GPHN: variants seen among roughly 807,000 people sequenced by gnomAD.
GPHN encodes gephyrin.
GPHN carries 17 observed loss-of-function variants against 95.5 expected under a neutral mutation model. The ratio of observed to expected loss-of-function variants is 0.18; its 90% CI spans 0.12 to 0.27. The LOEUF is 0.27. Among genes scored for constraint, GPHN ranks in the 10% least tolerant of loss-of-function variants. GPHN has a pLI of 1.00. For missense variants in GPHN, 660 were observed against 978.1 expected (o/e 0.67, Z 4.34); for synonymous variants, 320 against 322.5 (o/e 0.99, Z 0.08).
intron 5 of GPHN, among the ~76,000 whole-genome samples, chr14:66,884,593 A>C (rs1217414223): frequency 6.6e-6 from 1 of 151,732 alleles, no homozygotes; most frequent in Non-Finnish European, 1.5e-5. Context: ...TTTTTAAAAG[A>C]TCAAATACTC....
At chr14:67,284,027 G>GT in the GPHN span, among the ~76,000 whole-genome samples, 50 of 152,196 alleles carry the variant, frequency 3.3e-4, no homozygotes, top group African/African-American at 1.2e-3. Context: ...CTTTGGGCAT[G>GT]TTACTCAATT....
At chr14:66,968,133 A>G (rs888416642) in intron 9 of GPHN, among the ~76,000 whole-genome samples, 11 of 152,000 alleles carry the variant, frequency 7.2e-5, no homozygotes, top group Non-Finnish European at 1.6e-4. Flanking sequence ...TTAATAAAAA[A>G]TTAAAATTTA....
At chr14:66,670,872 G>C (rs1337449863) in intron 1 of GPHN, among the ~76,000 whole-genome samples, 1 of 152,156 alleles carries the variant, frequency 6.6e-6, no homozygotes, top group Non-Finnish European at 1.5e-5. Context: ...ATTGAGAATT[G>C]TACCTAGGTA....
the GPHN span, among the ~76,000 whole-genome samples, chr14:67,429,460 A>G: frequency 2.8e-5 from 4 of 143,544 alleles, no homozygotes; most frequent in African/African-American, 5.0e-5. Context: ...CAAACTCCTG[A>G]CCTCATGATT....
intron 3 of GPHN, among the ~76,000 whole-genome samples, chr14:66,777,150 G>A (rs564911753): frequency 2.4e-4 from 36 of 150,778 alleles, no homozygotes; most frequent in Admixed American, 2.0e-3. Flanking sequence ...TATCACCACC[G>A]ATCCCGCAGA....
intron 1 of GPHN, among the ~76,000 whole-genome samples, chr14:66,545,631 G>A (rs1373544099): frequency 3.3e-5 from 4 of 122,330 alleles, no homozygotes; most frequent in Non-Finnish European, 5.0e-5. Context: ...CCTCCCTCCC[G>A]GACAGGGTGG....
chr14:67,316,405 T>G, the GPHN span, among the ~76,000 whole-genome samples: 1 of 150,870 alleles, frequency 6.6e-6, no homozygotes, highest in East Asian at 2.2e-4. Flanking sequence ...TTCTTGGAAT[T>G]GAATATGGAA....
the GPHN span, among the ~76,000 whole-genome samples, chr14:67,639,094 G>A: frequency 3.3e-5 from 5 of 152,170 alleles, no homozygotes; most frequent in Admixed American, 1.3e-4. Flanking sequence ...CTGAATTAGC[G>A]ACTGAAATCC....
At chr14:66,702,137 C>T (rs1236334981) in intron 2 of GPHN, among the ~76,000 whole-genome samples, 6 of 152,208 alleles carry the variant, frequency 3.9e-5, no homozygotes, top group Non-Finnish European at 7.3e-5. Context: ...GGACAGAACC[C>T]AGATCTCCCT....
chr14:66,902,224 T>C (rs1474538452), intron 5 of GPHN, among the ~76,000 whole-genome samples: 2 of 152,102 alleles, frequency 1.3e-5, no homozygotes, highest in African/African-American at 2.4e-5. Flanking sequence ...TGATTTTGTG[T>C]CCTGTAACTA....
the GPHN span, among the ~76,000 whole-genome samples, chr14:67,399,398 G>A: frequency 4.0e-5 from 6 of 150,700 alleles, no homozygotes; most frequent in Non-Finnish European, 8.8e-5. Flanking sequence ...GGTGGTTTAG[G>A]TGGGTCTCAG....
chr14:66,841,960 G>C (rs2062107637), intron 4 of GPHN, among the ~76,000 whole-genome samples: 1 of 152,088 alleles, frequency 6.6e-6, no homozygotes, highest in South Asian at 2.1e-4. Flanking sequence ...GGCTGAGGCA[G>C]GCGAATTGCT....
chr14:66,560,348 G>C (rs1361484477), intron 1 of GPHN, among the ~76,000 whole-genome samples: 1 of 152,092 alleles, frequency 6.6e-6, no homozygotes, highest in Admixed American at 6.5e-5. Context: ...CCATTTTCAC[G>C]ATATTGATTC....
the GPHN span, chr14:67,585,446 G>T: frequency 1.5e-6 from 1 of 673,304 alleles, no homozygotes; most frequent in East Asian, 2.7e-5. Flanking sequence ...TGTTTTCCAA[G>T]ATGAGGTGGC....
the GPHN span, among the ~76,000 whole-genome samples, chr14:67,293,793 AT>A: frequency 6.6e-6 from 1 of 152,194 alleles, no homozygotes; most frequent in Non-Finnish European, 1.5e-5. Flanking sequence ...AGAATACAAA[AT>A]AAATCATTAT....
rs548418556 is a variant in GPHN at position 67,103,437 on chromosome 14, G to A, written c.1293+2526G>A. On this transcript the variant is annotated intron_variant, in intron 13 of 22. Coordinates refer to ENST00000478722, the MANE Select transcript of GPHN (RefSeq NM_020806.5). The stretch of plus-strand genomic sequence containing the variant: ...AGGAATTGCAATGAATCTGTAGATC[G>A]CTTTTTTCGTAGTATGGTCATTTTC... Among the ~76,000 whole-genome samples, 12 of 149,392 alleles carry A rather than the reference G, an allele frequency of 8.0e-5. No individual in the cohort carries two copies. In the South Asian group the frequency reaches 1.7e-3, roughly 21 times the overall value.
intron 2 of GPHN, among the ~76,000 whole-genome samples, chr14:66,713,655 TC>T (rs985812014): frequency 6.6e-6 from 1 of 152,162 alleles, no homozygotes; most frequent in Admixed American, 6.6e-5. Context: ...ATTTTTTTTT[TC>T]TAATTTGGTG....
chr14:67,080,958 T>G (rs560228998), intron 11 of GPHN, among the ~76,000 whole-genome samples: 42 of 152,314 alleles, frequency 2.8e-4, no homozygotes, highest in African/African-American at 7.9e-4. Context: ...TTTGGCTGAA[T>G]AGTAGTATTC....
At chr14:66,877,255 T>C (rs1032988430) in intron 4 of GPHN, among the ~76,000 whole-genome samples, 4 of 152,138 alleles carry the variant, frequency 2.6e-5, no homozygotes, top group African/African-American at 9.7e-5. Context: ...TAAGAGCTAT[T>C]TATGACAAGC....
Sources: gnomAD v4.1 joint callset for allele counts (sites outside exome capture counted in the v4.1 genomes callset) on GRCh38, gnomAD v4.1.1 for gene constraint, MANE v1.5 for transcripts, NCBI Gene and HGNC (gene_info 2026-07-23, HGNC 2026-07-21) for gene names.